The following SREK1 variants were observed in gnomAD, a reference collection of about 807,000 sequenced individuals.
The protein encoded by SREK1 is splicing regulatory glutamine/lysine-rich protein 1.
Under a neutral mutation model 66.5 loss-of-function variants are expected in SREK1, and 13 were observed. The observed-to-expected ratio is 0.20, with a 90% CI of 0.13 to 0.31. SREK1 has a LOEUF of 0.31. Among genes scored for constraint, SREK1 ranks in the 10% least tolerant of loss-of-function variants. The pLI, the probability that SREK1 is intolerant of heterozygous loss-of-function variation, is 1.00. For synonymous variants in SREK1, 265 were observed against 263.5 expected (o/e 1.01, Z -0.05); for missense variants, 607 against 769.6 (o/e 0.79, Z 2.50).
chr5:66,155,312 ATAAG>A (rs1420270279), intron 2 of SREK1, among the ~76,000 whole-genome samples: 6 of 152,224 alleles, frequency 3.9e-5, no homozygotes, highest in Non-Finnish European at 8.8e-5. Flanking sequence ...CAATTTAGTT[ATAAG>A]TAAGTAAATA....
intron 9 of SREK1, among the ~76,000 whole-genome samples, chr5:66,173,276 A>G (rs1254602282): frequency 6.6e-6 from 1 of 152,178 alleles, no homozygotes; most frequent in Non-Finnish European, 1.5e-5. Flanking sequence ...TATACTTTTA[A>G]AGAAAATGAT....
chr5:66,172,824 A>ATTTT (rs762670649), intron 9 of SREK1, among the ~76,000 whole-genome samples: 154 of 118,214 alleles, frequency 1.3e-3, no homozygotes, highest in Non-Finnish European at 1.8e-3. Flanking sequence ...ATTTCTTTGA[A>ATTTT]TTTTTTTTTT....
chr5:66,163,857 A>C lies in SREK1; in HGVS notation c.821A>C (p.Glu274Ala), dbSNP rs1157678467. 1 of 1,613,772 alleles carries C rather than the reference A, an allele frequency of 6.2e-7. No individual in the cohort carries two copies. The highest frequency in any genetic ancestry group is 1.7e-5 in the Admixed American group (1 of 60,026). Residue 274 changes from glutamate to alanine, a missense_variant, in exon 6 of 12, where the codon GAG becomes GCG. This residue lies in a region of SREK1 where 112 missense variants were observed against 168.6 expected (regional missense o/e 0.66). Transcript: ENST00000334121. ...PEMTPQAAAK[E>A]LEEVMKRVRE... ...ATGACACCTCAGGCTGCAGCTAAGG[A>C]GTTAGAAGAAGTAATGAAGCGAGTA...
chr5:66,155,504 A>G (rs1263250129), intron 2 of SREK1, among the ~76,000 whole-genome samples: 6 of 152,234 alleles, frequency 3.9e-5, no homozygotes, highest in African/African-American at 9.6e-5. Flanking sequence ...ACTAAAAAAG[A>G]TAGCAGAGTG....
chr5:66,164,561 T>C, intron 6 of SREK1: 1 of 1,483,082 alleles, frequency 6.7e-7, no homozygotes, highest in Non-Finnish European at 9.0e-7. Flanking sequence ...CAACAAAATA[T>C]TACGAACAGC....
chr5:66,176,191 A>G (rs1746038485), intron 10 of SREK1, among the ~76,000 whole-genome samples: 1 of 152,114 alleles, frequency 6.6e-6, no homozygotes, highest in Non-Finnish European at 1.5e-5. Context: ...CAATTTTTCT[A>G]ACATTAGTTT....
intron 7 of SREK1, chr5:66,167,470 AAAT>A (rs1361429752): frequency 6.6e-6 from 1 of 152,234 alleles, no homozygotes; most frequent in Non-Finnish European, 1.5e-5. Context: ...TTTAATTTAA[AAAT>A]AAGATTTTGC....
chr5:66,152,029 T>C (rs1400250434), intron 1 of SREK1, among the ~76,000 whole-genome samples: 2 of 151,894 alleles, frequency 1.3e-5, no homozygotes, highest in Non-Finnish European at 2.9e-5. Flanking sequence ...GTATTTTTAG[T>C]AGAGACGGGG....
chr5:66,156,375 A>G (rs1438086934), intron 2 of SREK1: 6 of 1,199,222 alleles, frequency 5.0e-6, no homozygotes, highest in Non-Finnish European at 5.2e-6. Flanking sequence ...ACGTGTTGCA[A>G]ATTATATTGG....
At position 66,164,635 on chromosome 5, in the gene SREK1, A is replaced by G. The variant is rs753854129; in HGVS notation, c.887-148A>G. 4.5e-5 allele frequency: 70 copies of G among 1,559,054 alleles called. No individual in the cohort carries two copies. The Admixed American group carries it at 7.2e-4, about 16-fold the overall frequency. On this transcript the variant is annotated intron_variant, in intron 6 of 11. Transcript: ENST00000334121. ...TGGCTGCACTCAACGAGTTTATGCAATGACTTTCTTGGATGTTTCTGAAGG... is the reference window on the plus strand; with the variant it reads ...TGGCTGCACTCAACGAGTTTATGCAGTGACTTTCTTGGATGTTTCTGAAGG...
At position 66,153,476 on chromosome 5, in the gene SREK1, G is replaced by T; in HGVS notation, c.175G>T (p.Ala59Ser). The T allele has an allele frequency of 6.2e-7, 1 of 1,612,576 alleles. No individual in the cohort carries two copies. The highest frequency in any genetic ancestry group is 8.5e-7 in the Non-Finnish European group (1 of 1,179,450). The change falls in exon 2 of 12, where the codon GCT (alanine) becomes TCT (serine). Residue 59 changes from alanine (A) to serine (S), a missense_variant. This residue lies in a region of SREK1 where 99 missense variants were observed against 186.6 expected (regional missense o/e 0.53). Transcript: ENST00000334121. ...TTTATCTTGCAGCAACGCACCTCTT[G>T]CTTTTTCCTCCAAAGTATGTTATGT... The part of the protein sequence containing the change: ...RLYPPDNAPL[A>S]FSSKVCYVKF...
At chr5:66,164,718 C>G in intron 6 of SREK1, 65 bp from the exon 7 acceptor site, 2 of 1,612,348 alleles carry the variant, frequency 1.2e-6, no homozygotes, top group South Asian at 2.2e-5. Context: ...CCACTTGTGC[C>G]TGATTATTAA....
At chr5:66,150,743 A>G (rs1355648960) in intron 1 of SREK1, among the ~76,000 whole-genome samples, 2 of 152,238 alleles carry the variant, frequency 1.3e-5, no homozygotes, top group Non-Finnish European at 2.9e-5. Context: ...TAAGCAGGAT[A>G]TATTGACCAA....
At chr5:66,156,528 C>CTGATAGT in intron 2 of SREK1, 3 of 987,750 alleles carry the variant, frequency 3.0e-6, no homozygotes, top group Non-Finnish European at 3.6e-6. Flanking sequence ...CATTAAAACA[C>CTGATAGT]TGATAAGTAT....
intron 2 of SREK1, chr5:66,156,442 G>A (rs1744290880): frequency 9.5e-7 from 1 of 1,056,080 alleles, no homozygotes; most frequent in East Asian, 7.5e-5. Context: ...TGGTAAATTA[G>A]GATACAGTGT....
intron 2 of SREK1, chr5:66,157,230 T>C: frequency 1.0e-6 from 1 of 985,208 alleles, no homozygotes; most frequent in Non-Finnish European, 1.2e-6. Context: ...TGGGAGAGTT[T>C]GACAACCTAC....
In SREK1 at chr5:66,170,761, G is replaced by C. The variant is rs767832773; in HGVS notation, c.1298G>C (p.Arg433Thr). ...CGGGAAAAAGACAAGGAAAAGGACA[G>C]AGAGAGAGAACGGGAAAAAGAGCAT... is the stretch of plus-strand genomic sequence containing the variant. ...KDREKDKEKD[R>T]EREREKEHEK... Residue 433 changes from arginine (R) to threonine (T), a missense_variant, in exon 9 of 12, where the codon AGA becomes ACA. Arg to Thr is a moderately conservative substitution (Grantham distance 71, BLOSUM62 -1). Coordinates refer to ENST00000334121, the MANE Select transcript of SREK1 (RefSeq NM_001077199.3). 1 of 1,598,918 alleles carries C rather than the reference G, an allele frequency of 6.3e-7. No individual in the cohort carries two copies. Among genetic ancestry groups the C allele is most frequent in the Non-Finnish European group, 8.5e-7 (1 of 1,172,120 alleles).
chr5:66,156,096 A>G, intron 2 of SREK1: 1 of 1,517,930 alleles, frequency 6.6e-7, no homozygotes, highest in Non-Finnish European at 8.8e-7. Flanking sequence ...GACCTGTTAC[A>G]CTTGCCTGAG....
chr5:66,148,820 G>A (rs1743497833), intron 1 of SREK1, among the ~76,000 whole-genome samples: 1 of 132,596 alleles, frequency 7.5e-6, no homozygotes. Flanking sequence ...CCCTTTTTAT[G>A]TGTTTTTTTT....
Sources: gnomAD v4.1 joint callset for allele counts (sites outside exome capture counted in the v4.1 genomes callset) on GRCh38, gnomAD v4.1.1 for gene constraint, gnomAD v4.1.1 regional missense constraint, MANE v1.5 for transcripts, NCBI Gene and HGNC (gene_info 2026-07-23, HGNC 2026-07-21) for gene names.